Variants in KDM6A observed in about 807,000 individuals in gnomAD.
KDM6A encodes the protein lysine-specific demethylase 6A.
In KDM6A, 11 loss-of-function variants were observed where a neutral mutation model predicts 117.6. The observed-to-expected ratio is 0.09, with a 90% CI of 0.06 to 0.15. KDM6A has a LOEUF of 0.15. Ranked by LOEUF, KDM6A falls within the 10% of genes least tolerant of loss-of-function variation. The pLI, the probability that KDM6A is intolerant of heterozygous loss-of-function variation, is 1.00. For missense variants in KDM6A, 799 were observed against 1,077.3 expected, an observed-to-expected ratio of 0.74 and a Z score of 3.62; for synonymous variants, 384 against 396.1, an observed-to-expected ratio of 0.97 and a Z score of 0.36.
chrX:44,989,549 G>A (rs925055452), intron 4 of KDM6A, among the ~76,000 whole-genome samples: 4 of 110,856 alleles, frequency 3.6e-5, no homozygotes, highest in Non-Finnish European at 5.7e-5. Flanking sequence ...GGCTCCACCC[G>A]CTCTCCCATA....
chrX:44,874,417 C>G (rs2031252413), intron 2 of KDM6A, among the ~76,000 whole-genome samples: 1 of 111,728 alleles, frequency 9.0e-6, no homozygotes, highest in African/African-American at 3.3e-5. Flanking sequence ...ATGCCTACTG[C>G]TAACCAAATG....
chrX:45,090,571 A>T, intron 26 of KDM6A, 152 bp from the exon 27 acceptor site: 1 of 557,816 alleles, frequency 1.8e-6, no homozygotes, highest in Admixed American at 3.3e-5. Flanking sequence ...TATTATTACT[A>T]CTGTAATTAT....
chrX:44,906,143 TCTC>T (rs1214901914), intron 2 of KDM6A, among the ~76,000 whole-genome samples: 13 of 111,168 alleles, frequency 1.2e-4, no homozygotes, highest in Non-Finnish European at 7.5e-5. Flanking sequence ...CCTCAATACT[TCTC>T]CTCCATCTTT....
At position 45,018,223 on chromosome X, in the gene KDM6A, C is replaced by T. The variant is rs111956156; in HGVS notation, c.444-2387C>T. ...AGGAAAGTCCTTAAGGAGACTATTTCAGTAATCTAGTAATGAGATACAGAA... is the reference window on the plus strand; with the variant it reads ...AGGAAAGTCCTTAAGGAGACTATTTTAGTAATCTAGTAATGAGATACAGAA... On this transcript the variant is annotated intron_variant, in intron 5 of 29. Coordinates refer to ENST00000611820, the MANE Select transcript of KDM6A (RefSeq NM_001291415.2). Among the ~76,000 whole-genome samples the T allele has an allele frequency of 8.5e-3, 938 of 110,989 alleles. 11 individuals carry two copies. The highest frequency in any genetic ancestry group is 0.03 in the African/African-American group (905 of 30,508).
chrX:44,906,035 C>T (rs1282410085), intron 2 of KDM6A, among the ~76,000 whole-genome samples: 1 of 111,932 alleles, frequency 8.9e-6, no homozygotes, highest in African/African-American at 3.2e-5. Context: ...TCTTTGTACT[C>T]CTCTCAGTGA....
chrX:45,094,270 T>C (rs1318492783), intron 27 of KDM6A, among the ~76,000 whole-genome samples: 2 of 111,657 alleles, frequency 1.8e-5, no homozygotes, highest in Non-Finnish European at 3.8e-5. Flanking sequence ...ATAAATAAAA[T>C]AGATTGAAAG....
At chrX:45,007,076 C>T (rs774954572) in intron 4 of KDM6A, among the ~76,000 whole-genome samples, 12 of 112,089 alleles carry the variant, frequency 1.1e-4, no homozygotes, top group South Asian at 7.4e-4. Flanking sequence ...GAAAGTGGAC[C>T]GGTCAAGAGC....
intron 2 of KDM6A, among the ~76,000 whole-genome samples, chrX:44,906,925 G>T (rs1040465791): frequency 4.5e-5 from 5 of 111,268 alleles, no homozygotes; most frequent in Non-Finnish European, 9.4e-5. Flanking sequence ...ATTCTTTAGC[G>T]CTTTCTTCTC....
At position 45,012,197 on chromosome X, in the gene KDM6A, A is replaced by ATTT. The variant is rs760991442; in HGVS notation, c.443+1198_443+1200dup. Reference sequence around the variant, plus strand: ...TTTATAAAATGTCAACCCAATGTAGATTTTTTTTTTTTTTTTTTTTTTGGT... The same window carrying ATTT: ...TTTATAAAATGTCAACCCAATGTAGATTTTTTTTTTTTTTTTTTTTTTTTTGGT... On this transcript the variant is annotated intron_variant, in intron 5 of 29. Transcript: ENST00000611820. Among the ~76,000 whole-genome samples, 80 of 69,062 alleles carry ATTT rather than the reference A, an allele frequency of 1.2e-3. 1 individual carries two copies. Among genetic ancestry groups the ATTT allele is most frequent in the Non-Finnish European group, 1.6e-3 (62 of 37,631 alleles). 60.0% of individuals were successfully genotyped at this position (69,062 alleles called of 115,157 possible). A position where few individuals can be genotyped will look rare whatever the true frequency, so the allele number is the denominator to read the frequency against.
At chrX:44,910,275 C>T (rs1425425461) in intron 2 of KDM6A, among the ~76,000 whole-genome samples, 1 of 111,519 alleles carries the variant, frequency 9.0e-6, no homozygotes, top group Non-Finnish European at 1.9e-5. Flanking sequence ...CAACCTGCGC[C>T]TCCCGGGTTC....
chrX:45,067,559 A>G (rs1241287779), intron 17 of KDM6A, among the ~76,000 whole-genome samples: 2 of 111,025 alleles, frequency 1.8e-5, no homozygotes, highest in African/African-American at 3.3e-5. Context: ...ACAAATTTCA[A>G]CCTTCCTTTA....
chrX:45,033,431 C>T (rs2042682438), intron 6 of KDM6A, among the ~76,000 whole-genome samples: 1 of 111,889 alleles, frequency 8.9e-6, no homozygotes, highest in African/African-American at 3.2e-5. Flanking sequence ...CATTGCATCC[C>T]TAGTGTCTGC....
chrX:44,942,039 T>C (rs1044834227), intron 2 of KDM6A, among the ~76,000 whole-genome samples: 1 of 95,259 alleles, frequency 1.0e-5, no homozygotes, highest in Non-Finnish European at 2.2e-5. Flanking sequence ...GTTGAAAGAC[T>C]TTTTTTTTTT....
chrX:45,018,179 T>C (rs1647462383), intron 5 of KDM6A, among the ~76,000 whole-genome samples: 1 of 111,180 alleles, frequency 9.0e-6, no homozygotes, highest in Non-Finnish European at 1.9e-5. Context: ...AGGGAATATG[T>C]ACAAGCCAGA....
chrX:44,991,749 C>G, intron 4 of KDM6A, among the ~76,000 whole-genome samples: 1 of 111,758 alleles, frequency 8.9e-6, no homozygotes, highest in Non-Finnish European at 1.9e-5. Flanking sequence ...TGCAGTGGCA[C>G]AATCTCAGTT....
chrX:45,043,609 T>C (rs779797784), intron 8 of KDM6A, among the ~76,000 whole-genome samples: 60 of 110,987 alleles, frequency 5.4e-4, no homozygotes, highest in Non-Finnish European at 9.3e-4. Context: ...AAACCCTGTT[T>C]CTACTAAAAA....
In KDM6A at chrX:44,960,803, A is replaced by G. The variant is rs537637992; in HGVS notation, c.226-481A>G. On this transcript the variant is annotated intron_variant, in intron 2 of 29. Transcript: ENST00000611820. ...CAGTATATGGTAGTTTAAAACTGGTAGAGGTCTGGCAAAAAGTCAGTAAAA... is the reference window on the plus strand; with the variant it reads ...CAGTATATGGTAGTTTAAAACTGGTGGAGGTCTGGCAAAAAGTCAGTAAAA... 8.1e-5 allele frequency among the ~76,000 whole-genome samples: 9 copies of G among 111,663 alleles called. No homozygotes were observed. In the South Asian group the frequency reaches 3.3e-3, roughly 41 times the overall value.
chrX:45,089,903 A>G lies in KDM6A; in HGVS notation c.3865A>G (p.Ile1289Val), dbSNP rs2148195622. 2 of 1,209,588 alleles carry G rather than the reference A, an allele frequency of 1.7e-6. No individual in the cohort carries two copies. The highest frequency in any genetic ancestry group is 3.0e-5 in the East Asian group (1 of 33,824). ...TCAGGCTATTGGCTGGTGCAACAAC[A>G]TTGCTTGGAATGTTGGTCCACTTAC... ...WVQAIGWCNN[I>V]AWNVGPLTAC... is the part of the protein sequence containing the mutation. The change falls in exon 26 of 30, where the codon ATT (isoleucine) becomes GTT (valine). Residue 1289 changes from isoleucine to valine, a missense_variant. By Grantham distance (29) the Ile-to-Val change is conservative. Around this residue, in one of 8 missense-constraint regions of KDM6A, gnomAD observed 291 missense variants for 437.9 expected, o/e 0.66. Transcript: ENST00000611820.
chrX:45,104,354 A>G (rs2046452224), intron 27 of KDM6A, among the ~76,000 whole-genome samples: 1 of 112,980 alleles, frequency 8.9e-6, no homozygotes, highest in Admixed American at 9.3e-5. Context: ...CCATAAGGTA[A>G]ACTTACAGAA....
Sources: allele counts gnomAD v4.1 joint callset (sites outside exome capture counted in the v4.1 genomes callset), GRCh38; gene constraint gnomAD v4.1.1; regional missense constraint gnomAD v4.1.1; transcripts MANE v1.5; gene names NCBI Gene and HGNC (gene_info 2026-07-23, HGNC 2026-07-21).